SLF2: variants seen among roughly 807,000 people sequenced by gnomAD.
The protein encoded by SLF2 is SMC5/6 complex localization factor 2.
A neutral mutation model predicts 124.3 loss-of-function variants in SLF2; 68 were observed. The ratio of observed to expected loss-of-function variants is 0.55; its 90% CI spans 0.45 to 0.67. The LOEUF (loss-of-function observed/expected upper bound fraction) is 0.67. Among genes scored for constraint, SLF2 ranks in the 30% least tolerant of loss-of-function variants. The probability of loss-of-function intolerance (pLI) is 0.00; values close to 1 mark genes in which losing one functional copy is unlikely to be tolerated. For missense variants in SLF2, 1,246 were observed against 1,373.7 expected (o/e 0.91, Z 1.47); for synonymous variants, 480 against 478.8 (o/e 1.00, Z -0.03).
At position 100,947,809 on chromosome 10, in the gene SLF2, G is replaced by A; in HGVS notation, c.3082G>A (p.Glu1028Lys). The A allele has an allele frequency of 6.2e-7, 1 of 1,612,270 alleles. No homozygotes were observed. The highest frequency in any genetic ancestry group is 8.5e-7 in the Non-Finnish European group (1 of 1,179,218). ...SLVIISKLLD[E>K]KHEDVPNASN... ...AGTGATTATTTCAAAGCTTTTGGAT[G>A]AGAAACACGAAGATGTTCCTAATGC... Residue 1028 changes from glutamate to lysine, a missense_variant, in exon 15 of 20, where the codon GAG becomes AAG. Glu to Lys is a moderately conservative substitution (Grantham distance 56). Coordinates refer to ENST00000238961, the MANE Select transcript of SLF2 (RefSeq NM_018121.4).
Position 100,916,678 on chromosome 10 carries a change from A to C in SLF2, c.293A>C (p.Glu98Ala), listed in dbSNP as rs948383768. The C allele has an allele frequency of 2.6e-6, 4 of 1,537,710 alleles. No homozygotes were observed. Among genetic ancestry groups the C allele is most frequent in the Non-Finnish European group, 3.5e-6 (4 of 1,149,906 alleles). Residue 98 changes from glutamate to alanine, a missense_variant, in exon 3 of 20, where the codon GAA becomes GCA. Glu to Ala is a moderately radical substitution (Grantham distance 107). Coordinates refer to ENST00000238961, the MANE Select transcript of SLF2 (RefSeq NM_018121.4). ...QFERKLSSPK[E>A]SKPKRVPPEK... ...GAAAGGAAACTATCCTCACCAAAAG[A>C]ATCTAAACCCAAAAGGGTGCCACCA...
chr10:100,940,815 C>CCTTCT (rs1434809224), intron 11 of SLF2, among the ~76,000 whole-genome samples: 2 of 106,184 alleles, frequency 1.9e-5, no homozygotes, highest in African/African-American at 6.1e-5. Context: ...CTGCCCCTGC[C>CCTTCT]CCTTCTCCTT....
At position 100,917,175 on chromosome 10, in the gene SLF2, G is replaced by A. The variant is rs113874914; in HGVS notation, c.790G>A (p.Glu264Lys). ...KEQMEQRINS[E>K]NSFSEASSLS... ...GCAAATGGAGCAGAGAATCAACTCCGAGAATTCTTTCTCAGAAGCAAGCAG... is the reference window on the plus strand; with the variant it reads ...GCAAATGGAGCAGAGAATCAACTCCAAGAATTCTTTCTCAGAAGCAAGCAG... The change falls in exon 3 of 20, where the codon GAG (glutamate) becomes AAG (lysine). Residue 264 changes from glutamate to lysine, a missense_variant. Physicochemically the swap from Glu to Lys is moderately conservative, Grantham distance 56. Coordinates refer to ENST00000238961, the MANE Select transcript of SLF2 (RefSeq NM_018121.4). 1.9e-5 allele frequency: 31 copies of A among 1,614,072 alleles called. 1 individual carries two copies. Among genetic ancestry groups the A allele is most frequent in the South Asian group, 1.1e-4 (10 of 91,044 alleles).
chr10:100,948,872 C>T (rs867528298), intron 15 of SLF2, among the ~76,000 whole-genome samples: 4 of 152,130 alleles, frequency 2.6e-5, no homozygotes, highest in Admixed American at 6.5e-5. Context: ...GGCAACAGAG[C>T]GAGACTCTGT....
intron 9 of SLF2, among the ~76,000 whole-genome samples, chr10:100,934,489 ACAT>A (rs1202461821): frequency 6.6e-6 from 1 of 152,240 alleles, no homozygotes. Context: ...AACAGCACAA[ACAT>A]CATAGCAGAA....
intron 17 of SLF2, among the ~76,000 whole-genome samples, chr10:100,953,923 A>G (rs1203496043): frequency 6.6e-6 from 1 of 151,906 alleles, no homozygotes; most frequent in East Asian, 2.0e-4. Flanking sequence ...AAGTGCTGGT[A>G]TTACAGGCGT....
At chr10:100,950,627 T>A (rs757376206) in intron 16 of SLF2, 49 bp from the exon 17 acceptor site, 8 of 1,469,154 alleles carry the variant, frequency 5.4e-6, no homozygotes, top group Non-Finnish European at 7.6e-6. Flanking sequence ...TGGAATGACA[T>A]CTATGCTAGC....
intron 1 of SLF2, chr10:100,913,575 C>A (rs755266809): frequency 1.7e-6 from 2 of 1,193,004 alleles, no homozygotes; most frequent in Admixed American, 4.4e-5. Context: ...ATATTTAGAT[C>A]GTTTTCTGTA....
At position 100,959,732 on chromosome 10, in the gene SLF2, A is replaced by G. The variant is rs1028112335; in HGVS notation, c.3486+236A>G. The stretch of plus-strand genomic sequence containing the variant: ...CATTTAAAAATATTGCATTGCATCA[A>G]ATGGAGGTTATTCAATTAAGAGCAT... On this transcript the variant is annotated intron_variant, in intron 19 of 19. Transcript: ENST00000238961. The G allele has an allele frequency of 1.1e-5, 7 of 623,458 alleles. 1 individual carries two copies. The highest frequency in any genetic ancestry group is 1.9e-5 in the African/African-American group (1 of 52,956). 38.6% of individuals were successfully genotyped at this position (623,458 alleles called of 1,614,324 possible). A position where few individuals can be genotyped will look rare whatever the true frequency, so the allele number is the denominator to read the frequency against.
At chr10:100,961,693 G>A (rs1286839863) in intron 19 of SLF2, among the ~76,000 whole-genome samples, 184 bp from the exon 20 acceptor site, 2 of 152,036 alleles carry the variant, frequency 1.3e-5, no homozygotes, top group Admixed American at 1.3e-4. Context: ...ACTGTTTTTT[G>A]TTGTTTGACT....
At chr10:100,915,301 G>T (rs1228611466) in intron 1 of SLF2, among the ~76,000 whole-genome samples, 2 of 152,128 alleles carry the variant, frequency 1.3e-5, no homozygotes, top group African/African-American at 4.8e-5. Context: ...GAAACTAGTT[G>T]TGACAACTCA....
chr10:100,923,751 C>T (rs1196568553), intron 4 of SLF2, among the ~76,000 whole-genome samples: 4 of 151,998 alleles, frequency 2.6e-5, no homozygotes, highest in Non-Finnish European at 1.5e-5. Context: ...CTTTTCATAG[C>T]TTTGGAATGA....
intron 9 of SLF2, among the ~76,000 whole-genome samples, chr10:100,936,490 C>A (rs561622232): frequency 2.0e-5 from 3 of 152,114 alleles, no homozygotes; most frequent in South Asian, 2.1e-4. Flanking sequence ...CCCGCCACCA[C>A]GCCTGGCTAA....
rs576117615 is a variant in SLF2 at position 100,952,489 on chromosome 10, G to A, written c.3330+1736G>A. Among the ~76,000 whole-genome samples the A allele has an allele frequency of 2.0e-3, 301 of 151,384 alleles. 1 individual carries two copies. Among genetic ancestry groups the A allele is most frequent in the African/African-American group, 7.2e-3 (295 of 41,188 alleles). ...CTGAACCCAGGAGGTGGAGGTTGCA[G>A]TGAGCTGAGATCACACCACTATACT... On this transcript the variant is annotated intron_variant, in intron 17 of 19. Transcript: ENST00000238961.
intron 1 of SLF2, chr10:100,913,489 GAACC>G: frequency 7.9e-7 from 1 of 1,270,070 alleles, no homozygotes. Context: ...CAGCTACGGA[GAACC>G]CGCCTTAGGT....
intron 9 of SLF2, 131 bp from the exon 10 acceptor site, chr10:100,937,271 A>G: frequency 1.3e-6 from 1 of 742,294 alleles, no homozygotes; most frequent in South Asian, 1.4e-5. Context: ...TTAGCCTCAC[A>G]AAGTGCTAGG....
intron 9 of SLF2, among the ~76,000 whole-genome samples, chr10:100,937,142 C>A (rs1201247887): frequency 6.6e-6 from 1 of 152,020 alleles, no homozygotes; most frequent in Non-Finnish European, 1.5e-5. Flanking sequence ...CTCAACCAGT[C>A]CTCCACTACA....
At chr10:100,944,349 G>A (rs1419737562) in intron 12 of SLF2, among the ~76,000 whole-genome samples, 1 of 151,928 alleles carries the variant, frequency 6.6e-6, no homozygotes, top group African/African-American at 2.4e-5. Flanking sequence ...CAAAAAATTA[G>A]CCAGGCATGG....
Position 100,924,159 on chromosome 10 carries a change from G to A in SLF2, c.1158G>A (p.Val386=). The A allele has an allele frequency of 3.1e-6, 5 of 1,614,000 alleles. No homozygotes were observed. The highest frequency in any genetic ancestry group is 3.4e-6 in the Non-Finnish European group (4 of 1,179,968). ...TTGCACTGAAGACACCTGGTGATGT[G>A]TTGCGCTTAGAAGATATATCCAAGG... ...KHIALKTPGD[V]LRLEDISKEP... is the part of the protein sequence containing the mutation. Residue 386 remains valine (V), a synonymous_variant, in exon 5 of 20, where the codon GTG becomes GTA. Coordinates refer to ENST00000238961, the MANE Select transcript of SLF2 (RefSeq NM_018121.4).
Sources: gnomAD v4.1 joint callset for allele counts (sites outside exome capture counted in the v4.1 genomes callset) on GRCh38, gnomAD v4.1.1 for gene constraint, MANE v1.5 for transcripts, NCBI Gene and HGNC (gene_info 2026-07-23, HGNC 2026-07-21) for gene names.